The following STAU2 variants were observed in gnomAD, a reference collection of about 807,000 sequenced individuals.
The protein encoded by STAU2 is staufen double-stranded RNA binding protein 2.
A neutral mutation model predicts 65.9 loss-of-function variants in STAU2; 20 were observed. The observed-to-expected ratio is 0.30, with a 90% CI of 0.21 to 0.44. The LOEUF is 0.44. Ranked by LOEUF, STAU2 falls within the 20% of genes least tolerant of loss-of-function variation. The pLI is 1.00. For missense variants in STAU2, 558 were observed against 683.9 expected, an observed-to-expected ratio of 0.82 and a Z score of 2.05; for synonymous variants, 232 against 233.9, an observed-to-expected ratio of 0.99 and a Z score of 0.07.
At chr8:73,453,432 A>G (rs999096418) in intron 13 of STAU2, among the ~76,000 whole-genome samples, 1 of 152,218 alleles carries the variant, frequency 6.6e-6, no homozygotes, top group Non-Finnish European at 1.5e-5. Context: ...ATGACTATGT[A>G]AGCATATCTT....
At position 73,466,408 on chromosome 8, in the gene STAU2, T is replaced by C. The variant is rs544216803; in HGVS notation, c.1531-43706A>G. On this transcript the variant is annotated intron_variant, in intron 13 of 14. Transcript: ENST00000524300. ...GCTTGAGCAACGCCTTTCTACCCTC[T>C]GGCTTATTAGAGAGGATGAAGGTTT... 9.8e-5 allele frequency among the ~76,000 whole-genome samples: 15 copies of C among 152,302 alleles called. No homozygotes were observed. The South Asian group carries it at 3.1e-3, about 32-fold the overall frequency.
chr8:73,590,806 A>C (rs1049235620), intron 11 of STAU2: 1 of 152,662 alleles, frequency 6.6e-6, no homozygotes, highest in Non-Finnish European at 1.5e-5. Flanking sequence ...AAAAGGATGA[A>C]AACACACATA....
chr8:73,481,186 T>C (rs181551899), intron 13 of STAU2, among the ~76,000 whole-genome samples: 14 of 152,234 alleles, frequency 9.2e-5, no homozygotes, highest in African/African-American at 3.1e-4. Context: ...GTCTTGCTTT[T>C]TGTATTAATC....
intron 6 of STAU2, among the ~76,000 whole-genome samples, chr8:73,634,378 A>T (rs759720859): frequency 6.6e-6 from 1 of 152,256 alleles, no homozygotes. Context: ...AAATACAAAA[A>T]TTAGCTGGGT....
At chr8:73,729,773 T>G (rs1043033621) in intron 3 of STAU2, among the ~76,000 whole-genome samples, 2 of 152,216 alleles carry the variant, frequency 1.3e-5, no homozygotes, top group African/African-American at 4.8e-5. Flanking sequence ...GTTTTAGTAA[T>G]GCGTATTTCT....
At position 73,739,844 on chromosome 8, in the gene STAU2, C is replaced by T; in HGVS notation, c.-172G>A. On this transcript the variant is annotated 5_prime_UTR_variant, in exon 2 of 15. Coordinates refer to ENST00000524300, the MANE Select transcript of STAU2 (RefSeq NM_001164380.2). ...TTTTCTTCAATCTTTAAAAAGTAAG[C>T]TAAAGTCCTTGTGGTAGGCAGCCTC... 7.3e-7 allele frequency: 1 copy of T among 1,379,196 alleles called. No individual in the cohort carries two copies. The highest frequency in any genetic ancestry group is 1.2e-5 in the South Asian group (1 of 80,134). The allele number at this position is 1,379,196 out of a possible 1,614,324, so 85.4% of individuals were successfully genotyped here. A position where few individuals can be genotyped will look rare whatever the true frequency, so the allele number is the denominator to read the frequency against.
At chr8:73,699,937 C>G (rs1326895225) in intron 4 of STAU2, among the ~76,000 whole-genome samples, 1 of 147,954 alleles carries the variant, frequency 6.8e-6, no homozygotes, top group African/African-American at 2.5e-5. Context: ...AAAATACTAG[C>G]AAACCTAATC....
intron 13 of STAU2, among the ~76,000 whole-genome samples, chr8:73,441,991 T>A (rs1308701602): frequency 6.6e-6 from 1 of 152,146 alleles, no homozygotes; most frequent in African/African-American, 2.4e-5. Context: ...GTAAACGATA[T>A]CTTCTTTTAG....
chr8:73,712,719 C>T (rs1373261899), intron 3 of STAU2, among the ~76,000 whole-genome samples: 1 of 152,144 alleles, frequency 6.6e-6, no homozygotes. Context: ...CATTGGGAGG[C>T]AGAGGCGGGA....
chr8:73,652,195 T>A (rs969713861), intron 6 of STAU2: 6 of 152,144 alleles, frequency 3.9e-5, no homozygotes, highest in Non-Finnish European at 8.8e-5. Flanking sequence ...AGAAATTATA[T>A]AAATAAAATT....
intron 13 of STAU2, among the ~76,000 whole-genome samples, chr8:73,542,678 C>A (rs1806620755): frequency 6.6e-6 from 1 of 152,054 alleles, no homozygotes; most frequent in Non-Finnish European, 1.5e-5. Flanking sequence ...GGACACTTCG[C>A]AAAGATACAC....
At chr8:73,667,477 TTTG>T (rs1363699103) in intron 6 of STAU2, among the ~76,000 whole-genome samples, 3 of 152,170 alleles carry the variant, frequency 2.0e-5, no homozygotes, top group Non-Finnish European at 4.4e-5. Flanking sequence ...ATTCCTAGCC[TTTG>T]TTGCCAAAAT....
At chr8:73,694,616 C>CA (rs1006483910) in intron 4 of STAU2, among the ~76,000 whole-genome samples, 2 of 152,188 alleles carry the variant, frequency 1.3e-5, no homozygotes, top group African/African-American at 4.8e-5. Context: ...ACTATGGACA[C>CA]AAAAAAGCAC....
At chr8:73,686,159 A>G (rs1024559003) in intron 5 of STAU2, among the ~76,000 whole-genome samples, 1 of 152,232 alleles carries the variant, frequency 6.6e-6, no homozygotes, top group Non-Finnish European at 1.5e-5. Context: ...TCACGCCTGT[A>G]ATCCCAACAC....
chr8:73,691,926 T>C (rs2130545251), intron 4 of STAU2, among the ~76,000 whole-genome samples: 1 of 152,306 alleles, frequency 6.6e-6, no homozygotes, highest in South Asian at 2.1e-4. Context: ...AGAGAGCTAG[T>C]CTGAGGGCCA....
chr8:73,716,452 T>C (rs770609946), intron 3 of STAU2, among the ~76,000 whole-genome samples: 3 of 152,194 alleles, frequency 2.0e-5, no homozygotes, highest in Non-Finnish European at 2.9e-5. Context: ...AAAATAATGC[T>C]CAAGGATCTG....
chr8:73,686,905 T>C (rs377460708), intron 5 of STAU2, among the ~76,000 whole-genome samples: 2 of 143,664 alleles, frequency 1.4e-5, no homozygotes, highest in Non-Finnish European at 1.5e-5. Flanking sequence ...TTTTTTTTTT[T>C]CTTTTGAGAC....
intron 4 of STAU2, among the ~76,000 whole-genome samples, chr8:73,694,272 T>C (rs998183706): frequency 1.3e-5 from 2 of 152,118 alleles, no homozygotes; most frequent in Non-Finnish European, 2.9e-5. Flanking sequence ...AAAACTGATA[T>C]AACAAGCAAA....
chr8:73,465,585 G>A (rs189753301), intron 13 of STAU2, among the ~76,000 whole-genome samples: 1 of 152,292 alleles, frequency 6.6e-6, no homozygotes, highest in East Asian at 1.9e-4. Flanking sequence ...ATAGGAGAGT[G>A]TTTTTAACCT....
Sources: allele counts gnomAD v4.1 joint callset (sites outside exome capture counted in the v4.1 genomes callset), GRCh38; gene constraint gnomAD v4.1.1; transcripts MANE v1.5; gene names NCBI Gene and HGNC (gene_info 2026-07-23, HGNC 2026-07-21).